Variants in DOCK5 observed in about 807,000 individuals in gnomAD.
DOCK5 encodes dedicator of cytokinesis 5.
Under a neutral mutation model 251.8 loss-of-function variants are expected in DOCK5, and 142 were observed. The observed-to-expected ratio is 0.56, with a 90% CI of 0.49 to 0.65. The LOEUF (loss-of-function observed/expected upper bound fraction) is 0.65, where lower values mean the gene tolerates loss of function less well. Ranked by LOEUF, DOCK5 falls within the 30% of genes least tolerant of loss-of-function variation. The pLI, the probability that DOCK5 is intolerant of heterozygous loss-of-function variation, is 0.00. For synonymous variants in DOCK5, 842 were observed against 835.5 expected (o/e 1.01, Z -0.13); for missense variants, 2,111 against 2,312.3 (o/e 0.91, Z 1.79).
chr8:25,311,602 A>T (rs772064554), intron 13 of DOCK5, among the ~76,000 whole-genome samples: 2 of 151,376 alleles, frequency 1.3e-5, no homozygotes, highest in Non-Finnish European at 2.9e-5. Flanking sequence ...ATTCTAGAAA[A>T]CCAACTTACC....
In DOCK5 at chr8:25,282,849, CAAAAAAAAAAAAAAAAA is replaced by C. The variant is rs56687628; in HGVS notation, c.321+4199_321+4215del. Reference sequence around the variant, plus strand: ...TGGGTGACACAGTAAGACCCTTTCTCAAAAAAAAAAAAAAAAAAAAAAAAAAAAAAAGATACCTGTGA... The same window carrying C: ...TGGGTGACACAGTAAGACCCTTTCTCAAAAAAAAAAAAAAGATACCTGTGA... On this transcript the variant is annotated intron_variant, in intron 5 of 51. Transcript: ENST00000276440. 8.2e-3 allele frequency among the ~76,000 whole-genome samples: 324 copies of C among 39,650 alleles called. 1 individual carries two copies. Among genetic ancestry groups the C allele is most frequent in the Middle Eastern group, 0.048 (2 of 42 alleles). 26.0% of individuals were successfully genotyped at this position (39,650 alleles called of 152,430 possible). A position where few individuals can be genotyped will look rare whatever the true frequency, so the allele number is the denominator to read the frequency against.
intron 1 of DOCK5, among the ~76,000 whole-genome samples, chr8:25,186,630 C>G (rs1037583541): frequency 6.6e-6 from 1 of 152,086 alleles, no homozygotes; most frequent in Non-Finnish European, 1.5e-5. Flanking sequence ...CCGCCTGCCT[C>G]GGCCTCCCAA....
At chr8:25,267,132 A>C (rs1803777561) in intron 2 of DOCK5, among the ~76,000 whole-genome samples, 1 of 152,164 alleles carries the variant, frequency 6.6e-6, no homozygotes, top group Non-Finnish European at 1.5e-5. Context: ...GAACCAAGCA[A>C]GTATATACAG....
In DOCK5 at chr8:25,364,707, A is replaced by G. The variant is rs758080206; in HGVS notation, c.3123+3A>G. The G allele has an allele frequency of 3.3e-5, 53 of 1,584,118 alleles. No individual in the cohort carries two copies. The highest frequency in any genetic ancestry group is 2.0e-4 in the Admixed American group (11 of 56,374). On this transcript the variant is annotated splice_donor_region_variant and intron_variant, in intron 30 of 51. Transcript: ENST00000276440. ...ATCAGGCAAGCTTTGAACTTCAGGT[A>G]GGCATGTGACTCACCTACCTGCTTC...
At chr8:25,313,147 C>T (rs926357838) in intron 13 of DOCK5, among the ~76,000 whole-genome samples, 1 of 152,154 alleles carries the variant, frequency 6.6e-6, no homozygotes, top group Admixed American at 6.5e-5. Flanking sequence ...GTTGTCCCAT[C>T]ACCACGTGAA....
chr8:25,263,767 C>T (rs1477747509), intron 2 of DOCK5, among the ~76,000 whole-genome samples: 1 of 151,786 alleles, frequency 6.6e-6, no homozygotes, highest in Non-Finnish European at 1.5e-5. Flanking sequence ...ACATGCCATG[C>T]CAGTCTGGAC....
At chr8:25,254,144 T>C (rs74325144) in intron 2 of DOCK5, among the ~76,000 whole-genome samples, 1 of 152,158 alleles carries the variant, frequency 6.6e-6, no homozygotes, top group African/African-American at 2.4e-5. Flanking sequence ...AGAAAAGATA[T>C]TCTTTTTAAC....
chr8:25,369,714 C>A, intron 34 of DOCK5, 73 bp downstream of exon 34: 1 of 1,315,784 alleles, frequency 7.6e-7, no homozygotes, highest in South Asian at 1.3e-5. Context: ...GGTCCTGTTT[C>A]ACCAATAGAG....
At chr8:25,401,472 G>A (rs1265846276) in intron 47 of DOCK5, among the ~76,000 whole-genome samples, 1 of 152,234 alleles carries the variant, frequency 6.6e-6, no homozygotes, top group Admixed American at 6.5e-5. Flanking sequence ...GTGGCTCACA[G>A]CTGTAATCCC....
At chr8:25,259,068 T>C (rs966680473) in intron 2 of DOCK5, among the ~76,000 whole-genome samples, 1 of 151,894 alleles carries the variant, frequency 6.6e-6, no homozygotes, top group African/African-American at 2.4e-5. Flanking sequence ...TGCAGTGAGG[T>C]GAAATCATGC....
chr8:25,247,711 T>C (rs1262840714), intron 2 of DOCK5, among the ~76,000 whole-genome samples: 1 of 152,204 alleles, frequency 6.6e-6, no homozygotes, highest in Non-Finnish European at 1.5e-5. Context: ...AGGGGGTCAC[T>C]GAGCTTAGTT....
chr8:25,391,210 T>G (rs1211428749), intron 42 of DOCK5, among the ~76,000 whole-genome samples: 42 of 102,532 alleles, frequency 4.1e-4, no homozygotes, highest in East Asian at 1.6e-3. Flanking sequence ...TGTGTGTGTG[T>G]GTGTGTGTGT....
At chr8:25,344,213 T>C (rs1800316703) in intron 25 of DOCK5, among the ~76,000 whole-genome samples, 1 of 152,202 alleles carries the variant, frequency 6.6e-6, no homozygotes, top group African/African-American at 2.4e-5. Flanking sequence ...GATAAAATAC[T>C]TTTCATTTTG....
In DOCK5 at chr8:25,185,814, C is replaced by A. The variant is rs548895716; in HGVS notation, c.43+863C>A. On this transcript the variant is annotated intron_variant, in intron 1 of 51. Coordinates refer to ENST00000276440, the MANE Select transcript of DOCK5 (RefSeq NM_024940.8). ...AACAATAGATGTGCGGGGATTTTGA[C>A]CCAGGTGGAAAGTCAGGCTCCTTTG... is the stretch of plus-strand genomic sequence containing the variant. Among the ~76,000 whole-genome samples the A allele has an allele frequency of 2.6e-5, 4 of 152,292 alleles. No homozygotes were observed. In the South Asian group the frequency reaches 8.3e-4, roughly 32 times the overall value.
Position 25,373,936 on chromosome 8 carries a change from C to T in DOCK5, c.3725+278C>T, listed in dbSNP as rs539373945. Among the ~76,000 whole-genome samples, 285 of 152,260 alleles carry T rather than the reference C, an allele frequency of 1.9e-3. 1 individual carries two copies. Among genetic ancestry groups the T allele is most frequent in the African/African-American group, 6.7e-3 (279 of 41,556 alleles). On this transcript the variant is annotated intron_variant, in intron 36 of 51. Coordinates refer to ENST00000276440, the MANE Select transcript of DOCK5 (RefSeq NM_024940.8). Reference sequence around the variant, plus strand: ...GCAGGAGAGGCTGTACAGGAAGAGGCAGGAAAACCCACCCAAGAGTCTTAG... The same window carrying T: ...GCAGGAGAGGCTGTACAGGAAGAGGTAGGAAAACCCACCCAAGAGTCTTAG...
At chr8:25,233,936 A>G (rs191460413) in intron 1 of DOCK5, among the ~76,000 whole-genome samples, 23 of 152,252 alleles carry the variant, frequency 1.5e-4, no homozygotes, top group African/African-American at 5.5e-4. Context: ...CCTCACTGCA[A>G]TTTCAGTAGG....
intron 27 of DOCK5, among the ~76,000 whole-genome samples, chr8:25,356,983 T>C (rs1240858236): frequency 1.3e-5 from 2 of 149,530 alleles, no homozygotes; most frequent in African/African-American, 4.9e-5. Context: ...TTAAAAATTT[T>C]GTAATATAGG....
intron 27 of DOCK5, among the ~76,000 whole-genome samples, chr8:25,356,542 C>T (rs530370112): frequency 2.4e-4 from 37 of 152,086 alleles, no homozygotes; most frequent in Admixed American, 3.9e-4. Flanking sequence ...TGACATGCGC[C>T]TGTAATCCCA....
intron 7 of DOCK5, among the ~76,000 whole-genome samples, chr8:25,297,926 G>A (rs897549490): frequency 4.0e-5 from 6 of 151,788 alleles, no homozygotes; most frequent in African/African-American, 7.3e-5. Flanking sequence ...ACGTGGTAGT[G>A]CATGACTGTA....
Sources: allele counts gnomAD v4.1 joint callset (sites outside exome capture counted in the v4.1 genomes callset), GRCh38; gene constraint gnomAD v4.1.1; transcripts MANE v1.5; gene names NCBI Gene and HGNC (gene_info 2026-07-23, HGNC 2026-07-21).